PPP3CC: variants seen among roughly 807,000 people sequenced by gnomAD.
The protein encoded by PPP3CC is serine/threonine-protein phosphatase 2B catalytic subunit gamma isoform.
In PPP3CC, 35 loss-of-function variants were observed where a neutral mutation model predicts 60.3. The ratio of observed to expected loss-of-function variants is 0.58; its 90% CI spans 0.44 to 0.77. The LOEUF (loss-of-function observed/expected upper bound fraction) is 0.77, where lower values mean the gene tolerates loss of function less well. Among genes scored for constraint, PPP3CC ranks in the 30% least tolerant of loss-of-function variants. The pLI, the probability that PPP3CC is intolerant of heterozygous loss-of-function variation, is 0.00. For missense variants in PPP3CC, 570 were observed against 628.9 expected (o/e 0.91, Z 1.00); for synonymous variants, 206 against 224.3 (o/e 0.92, Z 0.73).
Position 22,528,535 on chromosome 8 carries a change from A to G in PPP3CC, c.1099A>G (p.Ile367Val), listed in dbSNP as rs780461537. Residue 367 changes from isoleucine (I) to valine (V), a missense_variant, in exon 10 of 14, where the codon ATA becomes GTA. Coordinates refer to ENST00000240139, the MANE Select transcript of PPP3CC (RefSeq NM_005605.5). Reference protein sequence around the residue: ...VTEMLVNVLNICSDDELISDD... With the variant: ...VTEMLVNVLNVCSDDELISDD... ...AGAGATGCTGGTAAATGTGCTCAAC[A>G]TATGCTCTGATGACGAACTGATTTC... 1.9e-6 allele frequency: 3 copies of G among 1,565,680 alleles called. No individual in the cohort carries two copies. Among genetic ancestry groups the G allele is most frequent in the Admixed American group, 3.5e-5 (2 of 57,138 alleles).
intron 5 of PPP3CC, among the ~76,000 whole-genome samples, chr8:22,511,907 T>C (rs539031875): frequency 1.4e-4 from 22 of 152,308 alleles, no homozygotes; most frequent in African/African-American, 5.3e-4. Flanking sequence ...CTCTATGAAA[T>C]GAGGAAGTTG....
intron 3 of PPP3CC, among the ~76,000 whole-genome samples, chr8:22,490,113 G>A (rs1486484892): frequency 6.6e-6 from 1 of 151,954 alleles, no homozygotes; most frequent in Non-Finnish European, 1.5e-5. Flanking sequence ...GTGAGCTGCC[G>A]TGCTGAGCCA....
intron 4 of PPP3CC, among the ~76,000 whole-genome samples, chr8:22,499,654 CA>C (rs1838706320): frequency 6.6e-6 from 1 of 152,190 alleles, no homozygotes; most frequent in Non-Finnish European, 1.5e-5. Flanking sequence ...TGCTCACTAA[CA>C]AACAGTATGA....
intron 3 of PPP3CC, among the ~76,000 whole-genome samples, chr8:22,476,292 A>G (rs1224347611): frequency 6.6e-6 from 1 of 152,178 alleles, no homozygotes; most frequent in African/African-American, 2.4e-5. Context: ...CATTGATTCA[A>G]CTCTACATGC....
chr8:22,487,149 A>G (rs1838249128), intron 3 of PPP3CC, among the ~76,000 whole-genome samples: 1 of 152,240 alleles, frequency 6.6e-6, no homozygotes, highest in Admixed American at 6.5e-5. Flanking sequence ...GCACATTGCT[A>G]AAGTTAACAT....
chr8:22,460,204 A>G (rs1366016307), intron 1 of PPP3CC, among the ~76,000 whole-genome samples: 3 of 152,164 alleles, frequency 2.0e-5, no homozygotes, highest in Non-Finnish European at 4.4e-5. Context: ...CCTCAAGTGT[A>G]TAGTATCTTT....
In PPP3CC at chr8:22,503,548, G is replaced by A. The variant is rs187798597; in HGVS notation, c.484+5436G>A. On this transcript the variant is annotated intron_variant, in intron 4 of 13. Transcript: ENST00000240139. ...GATTTTTTTTATTTTTAATTTTTAT[G>A]GGTATATAGTAGGTGTATCTATTTA... Among the ~76,000 whole-genome samples, 8 of 151,954 alleles carry A rather than the reference G, an allele frequency of 5.3e-5. No individual in the cohort carries two copies. In the East Asian group the frequency reaches 1.4e-3, roughly 26 times the overall value.
chr8:22,519,383 G>A (rs1332009357), intron 6 of PPP3CC, among the ~76,000 whole-genome samples: 1 of 152,110 alleles, frequency 6.6e-6, no homozygotes, highest in Non-Finnish European at 1.5e-5. Context: ...GATAGGTAAG[G>A]ACTTACTATT....
intron 3 of PPP3CC, among the ~76,000 whole-genome samples, chr8:22,487,234 GT>G (rs973984592): frequency 1.1e-4 from 17 of 152,200 alleles, no homozygotes; most frequent in African/African-American, 4.1e-4. Context: ...TGATCAAAGA[GT>G]AGAACATTTT....
At chr8:22,442,435 A>T (rs1234656439) in intron 1 of PPP3CC, among the ~76,000 whole-genome samples, 1 of 152,186 alleles carries the variant, frequency 6.6e-6, no homozygotes, top group African/African-American at 2.4e-5. Flanking sequence ...AATACTAGTG[A>T]CGGGAATACA....
At chr8:22,448,952 A>G (rs1836921239) in intron 1 of PPP3CC, among the ~76,000 whole-genome samples, 1 of 152,172 alleles carries the variant, frequency 6.6e-6, no homozygotes, top group African/African-American at 2.4e-5. Context: ...TCAAAATGTA[A>G]AGTTGGGGAC....
At chr8:22,449,116 A>T (rs1836926586) in intron 1 of PPP3CC, among the ~76,000 whole-genome samples, 1 of 151,994 alleles carries the variant, frequency 6.6e-6, no homozygotes. Context: ...ATCTCTATTT[A>T]AAAAAGAAAA....
In PPP3CC at chr8:22,540,857, T is replaced by C. The variant is rs1839944230; in HGVS notation, c.*55T>C. ...CTAAAACTCAAGAACAAATTCTATT[T>C]ATTTATTATTGGAAAATGAAAAGCA... On this transcript the variant is annotated 3_prime_UTR_variant, in exon 14 of 14. Transcript: ENST00000240139. 1 of 1,397,124 alleles carries C rather than the reference T, an allele frequency of 7.2e-7. No homozygotes were observed. The highest frequency in any genetic ancestry group is 9.4e-7 in the Non-Finnish European group (1 of 1,060,898). 86.5% of individuals were successfully genotyped at this position (1,397,124 alleles called of 1,614,324 possible).
intron 1 of PPP3CC, among the ~76,000 whole-genome samples, chr8:22,469,783 C>T (rs961244019): frequency 2.1e-4 from 32 of 151,872 alleles, no homozygotes; most frequent in Middle Eastern, 3.4e-3. Context: ...CCAGAAGTTG[C>T]GGAGCAGAGA....
chr8:22,526,145 C>T (rs1052040092), intron 8 of PPP3CC, among the ~76,000 whole-genome samples: 1 of 152,140 alleles, frequency 6.6e-6, no homozygotes, highest in African/African-American at 2.4e-5. Context: ...TAGGAGTGCT[C>T]TTTCATATTC....
intron 8 of PPP3CC, among the ~76,000 whole-genome samples, chr8:22,524,028 C>T (rs1290545788): frequency 6.6e-6 from 1 of 152,156 alleles, no homozygotes. Flanking sequence ...TTCTCTGAGC[C>T]TCATCTTTAA....
At chr8:22,475,192 T>C in intron 2 of PPP3CC, 41 bp downstream of exon 2, 1 of 1,529,576 alleles carries the variant, frequency 6.5e-7, no homozygotes, top group Non-Finnish European at 8.9e-7. Context: ...ACAGTATAGA[T>C]TTGCATGAGC....
At chr8:22,501,750 C>T (rs968702799) in intron 4 of PPP3CC, among the ~76,000 whole-genome samples, 2 of 152,122 alleles carry the variant, frequency 1.3e-5, no homozygotes, top group African/African-American at 2.4e-5. Context: ...GTGGCTCATG[C>T]CTGTAATTTC....
At chr8:22,506,714 G>A (rs573145999) in intron 4 of PPP3CC, among the ~76,000 whole-genome samples, 5 of 151,946 alleles carry the variant, frequency 3.3e-5, no homozygotes, top group African/African-American at 1.2e-4. Flanking sequence ...GGCCGAGGCG[G>A]GCAGATCACA....
Sources: allele counts gnomAD v4.1 joint callset (sites outside exome capture counted in the v4.1 genomes callset), GRCh38; gene constraint gnomAD v4.1.1; transcripts MANE v1.5; gene names NCBI Gene and HGNC (gene_info 2026-07-23, HGNC 2026-07-21).